The following LRRC52 variants were observed in gnomAD, a reference collection of about 807,000 sequenced individuals.
LRRC52 encodes the protein leucine-rich repeat-containing protein 52.
LRRC52 carries 15 observed loss-of-function variants against 14.7 expected under a neutral mutation model. That is an observed-to-expected ratio of 1.02 (90% confidence interval 0.68 to 1.58). The LOEUF (loss-of-function observed/expected upper bound fraction) is 1.58, where lower values mean the gene tolerates loss of function less well. Ranked by LOEUF, LRRC52 falls within the 40% of genes most tolerant of loss-of-function variation. LRRC52 has a pLI of 0.00. For synonymous variants in LRRC52, 180 were observed against 163.9 expected, an observed-to-expected ratio of 1.10 and a Z score of -0.75; for missense variants, 400 against 387.7, an observed-to-expected ratio of 1.03 and a Z score of -0.27.
Position 165,544,587 on chromosome 1 carries a change from C to T in LRRC52, c.291C>T (p.Phe97=). 6.2e-7 allele frequency: 1 copy of T among 1,614,054 alleles called. No homozygotes were observed. Among genetic ancestry groups the T allele is most frequent in the South Asian group, 1.1e-5 (1 of 91,058 alleles). ...TTCGAGAGGTGATGGATTATACCTTCATCGGGGTCTTCAAACTCATCTACC... is the reference window on the plus strand; with the variant it reads ...TTCGAGAGGTGATGGATTATACCTTTATCGGGGTCTTCAAACTCATCTACC... ...NRIREVMDYT[F]IGVFKLIYLD... Residue 97 remains phenylalanine, a synonymous_variant, in exon 1 of 2, where the codon TTC becomes TTT. Coordinates refer to ENST00000294818, the MANE Select transcript of LRRC52 (RefSeq NM_001005214.4).
chr1:165,560,843 A>C (rs1661325176), intron 1 of LRRC52, among the ~76,000 whole-genome samples: 2 of 152,044 alleles, frequency 1.3e-5, no homozygotes, highest in Admixed American at 1.3e-4. Flanking sequence ...AGAAGGAGGG[A>C]AGGGGAGAAG....
chr1:165,561,135 A>G (rs779598325), intron 1 of LRRC52, among the ~76,000 whole-genome samples: 3 of 152,000 alleles, frequency 2.0e-5, no homozygotes, highest in Non-Finnish European at 2.9e-5. Context: ...CCTCCCAACA[A>G]AGCCACCCAC....
intron 1 of LRRC52, among the ~76,000 whole-genome samples, chr1:165,557,736 G>A (rs1253995679): frequency 1.3e-5 from 2 of 152,326 alleles, no homozygotes; most frequent in East Asian, 3.9e-4. Context: ...CTTTTCTCTA[G>A]ATCCAGGGTA....
chr1:165,559,407 A>G (rs1480842635), intron 1 of LRRC52, among the ~76,000 whole-genome samples: 1 of 152,196 alleles, frequency 6.6e-6, no homozygotes, highest in Non-Finnish European at 1.5e-5. Flanking sequence ...AAAAATTGTG[A>G]AGCAAAACTT....
chr1:165,563,349 C>T (rs12059369), intron 1 of LRRC52, among the ~76,000 whole-genome samples, 156 bp from the exon 2 acceptor site: 7,394 of 152,276 alleles, frequency 0.049, 219 homozygotes, highest in Non-Finnish European at 0.069. Flanking sequence ...TGAGATTCTG[C>T]ATTTCTAACA....
chr1:165,547,162 C>A (rs1035446879), intron 1 of LRRC52, among the ~76,000 whole-genome samples: 2 of 152,012 alleles, frequency 1.3e-5, no homozygotes, highest in African/African-American at 4.8e-5. Flanking sequence ...ACTCACCTGC[C>A]CAAAATCACA....
chr1:165,563,707 C>T lies in LRRC52; in HGVS notation c.825C>T (p.Asn275=), dbSNP rs1661395789. The change falls in exon 2 of 2, where the codon AAC becomes AAT. Residue 275 remains asparagine (N), a synonymous_variant. Transcript: ENST00000294818. ...LTGVCAVLYQ[N]TRHKSSEEDE... is the part of the protein sequence containing the mutation. Reference sequence around the variant, plus strand: ...GTGTGTGTGCTGTGCTCTACCAGAACACCCGCCACAAGTCGAGTGAAGAAG... The same window carrying T: ...GTGTGTGTGCTGTGCTCTACCAGAATACCCGCCACAAGTCGAGTGAAGAAG... The T allele has an allele frequency of 6.2e-7, 1 of 1,614,046 alleles. No homozygotes were observed. Among genetic ancestry groups the T allele is most frequent in the South Asian group, 1.1e-5 (1 of 91,090 alleles).
rs368687793 is a variant in LRRC52 at position 165,554,276 on chromosome 1, G to A, written c.623-9229G>A. ...ACACGAGATGCAGAGGACGGGTAAAGCAATGTGGGTTTGCAGAAACAAACA... is the reference window on the plus strand; with the variant it reads ...ACACGAGATGCAGAGGACGGGTAAAACAATGTGGGTTTGCAGAAACAAACA... On this transcript the variant is annotated intron_variant, in intron 1 of 1. Transcript: ENST00000294818. Among the ~76,000 whole-genome samples the A allele has an allele frequency of 9.9e-5, 15 of 152,252 alleles. No homozygotes were observed. The East Asian group carries it at 2.5e-3, about 25-fold the overall frequency.
At chr1:165,557,310 A>C (rs929293850) in intron 1 of LRRC52, among the ~76,000 whole-genome samples, 1 of 152,078 alleles carries the variant, frequency 6.6e-6, no homozygotes, top group African/African-American at 2.4e-5. Context: ...CACTTAGCTC[A>C]CTGAACCCTC....
At chr1:165,548,121 C>A (rs1004417309) in intron 1 of LRRC52, among the ~76,000 whole-genome samples, 1 of 151,826 alleles carries the variant, frequency 6.6e-6, no homozygotes, top group Non-Finnish European at 1.5e-5. Flanking sequence ...ATGAAATAAC[C>A]TGAGTTATCT....
intron 1 of LRRC52, among the ~76,000 whole-genome samples, chr1:165,559,666 GC>G (rs1010388518): frequency 6.6e-6 from 1 of 152,094 alleles, no homozygotes; most frequent in African/African-American, 2.4e-5. Flanking sequence ...GCCACTTTAA[GC>G]AAAATGACAT....
chr1:165,544,034 C>G lies in LRRC52; in HGVS notation c.-263C>G, dbSNP rs1175378058. 1 of 526,262 alleles carries G rather than the reference C, an allele frequency of 1.9e-6. No homozygotes were observed. The highest frequency in any genetic ancestry group is 3.4e-6 in the Non-Finnish European group (1 of 294,482). 32.6% of individuals were successfully genotyped at this position (526,262 alleles called of 1,614,324 possible). Reference sequence around the variant, plus strand: ...TTGCAAACGCAGGGAAAGGGTGAGACCTTTCAAAGCTGCCAAGTGGGCAAG... The same window carrying G: ...TTGCAAACGCAGGGAAAGGGTGAGAGCTTTCAAAGCTGCCAAGTGGGCAAG... On this transcript the variant is annotated 5_prime_UTR_variant, in exon 1 of 2. Coordinates refer to ENST00000294818, the MANE Select transcript of LRRC52 (RefSeq NM_001005214.4).
intron 1 of LRRC52, among the ~76,000 whole-genome samples, chr1:165,551,869 G>T (rs1259508417): frequency 6.6e-6 from 1 of 151,678 alleles, no homozygotes; most frequent in Non-Finnish European, 1.5e-5. Context: ...CCACAACTGT[G>T]CCCAAACTTA....
intron 1 of LRRC52, among the ~76,000 whole-genome samples, chr1:165,545,833 T>G (rs1259367281): frequency 2.6e-5 from 4 of 152,138 alleles, no homozygotes; most frequent in African/African-American, 4.8e-5. Flanking sequence ...AAATAACTCC[T>G]CACAGAAAGT....
At chr1:165,556,457 G>A (rs544253773) in intron 1 of LRRC52, among the ~76,000 whole-genome samples, 7 of 152,308 alleles carry the variant, frequency 4.6e-5, no homozygotes, top group Admixed American at 3.3e-4. Context: ...AATCCTTAAG[G>A]TTTTAAGGTG....
chr1:165,561,959 T>C (rs1661352762), intron 1 of LRRC52, among the ~76,000 whole-genome samples: 1 of 152,228 alleles, frequency 6.6e-6, no homozygotes, highest in Non-Finnish European at 1.5e-5. Flanking sequence ...CCCATTAGGA[T>C]TTACCTAACT....
At position 165,544,591 on chromosome 1, in the gene LRRC52, G is replaced by C; in HGVS notation, c.295G>C (p.Gly99Arg). 6.2e-7 allele frequency: 1 copy of C among 1,613,748 alleles called. No individual in the cohort carries two copies. Among genetic ancestry groups the C allele is most frequent in the Non-Finnish European group, 8.5e-7 (1 of 1,179,974 alleles). Residue 99 changes from glycine (G) to arginine (R), a missense_variant, in exon 1 of 2, where the codon GGG becomes CGG. By Grantham distance (125) the Gly-to-Arg change is moderately radical. Coordinates refer to ENST00000294818, the MANE Select transcript of LRRC52 (RefSeq NM_001005214.4). Reference sequence around the variant, plus strand: ...AGAGGTGATGGATTATACCTTCATCGGGGTCTTCAAACTCATCTACCTTGA... The same window carrying C: ...AGAGGTGATGGATTATACCTTCATCCGGGTCTTCAAACTCATCTACCTTGA... Reference protein sequence around the residue: ...IREVMDYTFIGVFKLIYLDLS... With the variant: ...IREVMDYTFIRVFKLIYLDLS...
chr1:165,544,715 C>A lies in LRRC52; in HGVS notation c.419C>A (p.Ser140Ter). Reference protein sequence around the residue: ...LNIANNPHLLSLHKFTFANTT... With the variant: ...LNIANNPHLL ...ATTGCCAACAACCCTCACCTGTTAT[C>A]GCTTCACAAGTTCACCTTTGCCAAC... The change falls in exon 1 of 2, where the codon TCG becomes TAG. Residue 140 changes from serine (S) to a stop codon, truncating the protein, a stop_gained. Coordinates refer to ENST00000294818, the MANE Select transcript of LRRC52 (RefSeq NM_001005214.4). LOFTEE classifies it high-confidence loss of function. 1 of 1,614,040 alleles carries A rather than the reference C, an allele frequency of 6.2e-7. No individual in the cohort carries two copies. The highest frequency in any genetic ancestry group is 8.5e-7 in the Non-Finnish European group (1 of 1,180,012).
intron 1 of LRRC52, among the ~76,000 whole-genome samples, chr1:165,562,372 A>G (rs1661361099): frequency 6.6e-6 from 1 of 152,222 alleles, no homozygotes; most frequent in Admixed American, 6.5e-5. Flanking sequence ...TCAGTGATCT[A>G]GTGTGTGCTG....
Sources: allele counts gnomAD v4.1 joint callset (sites outside exome capture counted in the v4.1 genomes callset), GRCh38; gene constraint gnomAD v4.1.1; transcripts MANE v1.5; gene names NCBI Gene and HGNC (gene_info 2026-07-23, HGNC 2026-07-21).